The following ASB15 variants were observed in gnomAD, a reference collection of about 807,000 sequenced individuals.
ASB15 encodes ankyrin repeat and SOCS box protein 15.
A neutral mutation model predicts 58.0 loss-of-function variants in ASB15; 54 were observed. The observed-to-expected ratio is 0.93, with a 90% CI of 0.75 to 1.17. The LOEUF (loss-of-function observed/expected upper bound fraction) is 1.17. Ranked by LOEUF, ASB15 falls within the 50% of genes most tolerant of loss-of-function variation. The pLI is 0.00. For missense variants in ASB15, 680 were observed against 707.4 expected (o/e 0.96, Z 0.44); for synonymous variants, 249 against 262.4 (o/e 0.95, Z 0.50).
intron 7 of ASB15, 37 bp from the exon 8 acceptor site, chr7:123,624,532 A>G: frequency 1.3e-6 from 2 of 1,579,648 alleles, no homozygotes; most frequent in Non-Finnish European, 1.7e-6. Context: ...TATTTGTGTT[A>G]ATATACTTAC....
intron 10 of ASB15, 54 bp downstream of exon 10, chr7:123,629,488 G>T: frequency 7.3e-7 from 1 of 1,365,462 alleles, no homozygotes; most frequent in Non-Finnish European, 1.0e-6. Context: ...TTTAATACAT[G>T]TTCATTCAAT....
intron 7 of ASB15, chr7:123,620,308 A>G (rs1801153256): frequency 6.6e-6 from 1 of 151,734 alleles, no homozygotes; most frequent in Admixed American, 6.6e-5. Flanking sequence ...TTCTGTAGCT[A>G]GAAGGAAAAG....
rs536768481 is a variant in ASB15, at chr7:123,628,381, C to G, written c.870-483C>G. On this transcript the variant is annotated intron_variant, in intron 9 of 11. Coordinates refer to ENST00000451215, the MANE Select transcript of ASB15 (RefSeq NM_001290258.2). ...GACCTTGGACAATCTTTTTGCCTCT[C>G]TAGACTTCAGATTGTTCTTCTGTTA... 3.9e-5 allele frequency among the ~76,000 whole-genome samples: 6 copies of G among 152,304 alleles called. No individual in the cohort carries two copies. The South Asian group carries it at 1.2e-3, about 32-fold the overall frequency.
intron 7 of ASB15, among the ~76,000 whole-genome samples, chr7:123,620,762 C>T (rs1270724311): frequency 1.3e-5 from 2 of 150,176 alleles, no homozygotes; most frequent in African/African-American, 4.9e-5. Flanking sequence ...CAGGGTTTCA[C>T]CATGTTAGCT....
intron 4 of ASB15, among the ~76,000 whole-genome samples, chr7:123,614,856 T>C (rs1251232240): frequency 6.6e-6 from 1 of 152,196 alleles, no homozygotes; most frequent in Non-Finnish European, 1.5e-5. Context: ...AATTTGGTTG[T>C]ATAGAATTGC....
At chr7:123,581,314 A>C (rs1028422036) in intron 1 of ASB15, among the ~76,000 whole-genome samples, 2 of 151,738 alleles carry the variant, frequency 1.3e-5, no homozygotes, top group African/African-American at 4.8e-5. Flanking sequence ...ATCATCAGTA[A>C]TTAATTTATC....
In ASB15 at chr7:123,635,932, C is replaced by T. The variant is rs185982874; in HGVS notation, c.1595-877C>T. On this transcript the variant is annotated intron_variant, in intron 11 of 11. Transcript: ENST00000451215. Reference sequence around the variant, plus strand: ...TCATCAAATGTAATAGAGATGTGATCATGTTTATTATTGCACTGAATGACA... The same window carrying T: ...TCATCAAATGTAATAGAGATGTGATTATGTTTATTATTGCACTGAATGACA... 3.3e-5 allele frequency among the ~76,000 whole-genome samples: 5 copies of T among 152,020 alleles called. No homozygotes were observed. The East Asian group carries it at 9.6e-4, about 29-fold the overall frequency.
At chr7:123,596,858 T>C (rs1045147949), upstream of ASB15, among the ~76,000 whole-genome samples, 3 of 152,206 alleles carry the variant, frequency 2.0e-5, no homozygotes, top group East Asian at 3.8e-4. Flanking sequence ...AGTACAATAC[T>C]GAATTTTCAA....
intron 7 of ASB15, among the ~76,000 whole-genome samples, chr7:123,620,526 ATATATATATATATATATATATATATATAT>A (rs1801192801): frequency 2.9e-4 from 4 of 13,800 alleles, no homozygotes; most frequent in Middle Eastern, 0.029. Context: ...ATATATATAT[ATATATATATATATATATATATATATATAT>A]TTTTTTTTTT....
At chr7:123,635,916 G>A (rs1026668405) in intron 11 of ASB15, among the ~76,000 whole-genome samples, 2 of 152,034 alleles carry the variant, frequency 1.3e-5, no homozygotes, top group South Asian at 2.1e-4. Flanking sequence ...ATCATCAAAT[G>A]TAATAGAGAT....
At chr7:123,568,815 T>C (rs146687262) in intron 1 of ASB15, among the ~76,000 whole-genome samples, 10 of 152,252 alleles carry the variant, frequency 6.6e-5, no homozygotes, top group African/African-American at 1.9e-4. Context: ...TAAAAATGAA[T>C]ACCTTAACAT....
intron 3 of ASB15, among the ~76,000 whole-genome samples, chr7:123,611,082 C>CA (rs34527165): frequency 0.032 from 2,638 of 81,730 alleles, 32 homozygotes; most frequent in Non-Finnish European, 0.036. Context: ...AACTCCATCT[C>CA]AAAAAAAAAA....
rs1801977567 is a variant in ASB15 at position 123,629,035 on chromosome 7, C to T, written c.1041C>T (p.Asp347=). ...CTGACCACATTTCCCAGAGCTATGA[C>T]GATGAGAGGAAGACTGCGCTGTATT... ...LLADHISQSY[D]DERKTALYFG... is the part of the protein sequence containing the mutation. The change falls in exon 10 of 12, where the codon GAC becomes GAT. Residue 347 remains aspartate, a synonymous_variant. Coordinates refer to ENST00000451215, the MANE Select transcript of ASB15 (RefSeq NM_001290258.2). The T allele has an allele frequency of 5.6e-6, 9 of 1,613,662 alleles. No individual in the cohort carries two copies. Among genetic ancestry groups the T allele is most frequent in the Non-Finnish European group, 5.1e-6 (6 of 1,179,770 alleles).
At chr7:123,602,752 A>C (rs190188512) in intron 1 of ASB15, among the ~76,000 whole-genome samples, 3 of 152,296 alleles carry the variant, frequency 2.0e-5, no homozygotes, top group Admixed American at 2.0e-4. Context: ...TTTTTGAGAA[A>C]ACTTTTTCTC....
intron 1 of ASB15, among the ~76,000 whole-genome samples, chr7:123,573,288 C>CTTTTTTT (rs35889563): frequency 8.5e-6 from 1 of 117,912 alleles, no homozygotes; most frequent in African/African-American, 3.2e-5. Context: ...TCTGGATTTG[C>CTTTTTTT]TTTTTTTTTT....
chr7:123,627,086 T>C (rs759944334), intron 8 of ASB15, 24 bp from the exon 9 acceptor site: 1 of 1,602,694 alleles, frequency 6.2e-7, no homozygotes, highest in Non-Finnish European at 8.5e-7. Context: ...CCAGTTATCA[T>C]TATGCCACGT....
intron 8 of ASB15, among the ~76,000 whole-genome samples, chr7:123,626,081 T>C (rs1801753290): frequency 6.6e-6 from 1 of 152,234 alleles, no homozygotes. Context: ...TCTGATATTT[T>C]GTTTCATTTC....
Position 123,603,325 on chromosome 7 carries a change from T to C in ASB15, c.-244-707T>C, listed in dbSNP as rs74765430. On this transcript the variant is annotated intron_variant, in intron 1 of 11. Transcript: ENST00000451215. ...AGTCTGAACATCCTTAGGAAAAAAA[T>C]AATCACTAAGAATTGGTGGGTTAAT... 4.8e-3 allele frequency among the ~76,000 whole-genome samples: 734 copies of C among 152,248 alleles called. 12 individuals are homozygous for C. Among genetic ancestry groups the C allele is most frequent in the African/African-American group, 0.017 (701 of 41,570 alleles).
At chr7:123,610,163 CTG>C (rs1384775224) in intron 3 of ASB15, among the ~76,000 whole-genome samples, 2 of 152,284 alleles carry the variant, frequency 1.3e-5, no homozygotes, top group South Asian at 4.1e-4. Context: ...AGGCAACAGA[CTG>C]TGAGATATTT....
Sources: gnomAD v4.1 joint callset for allele counts (sites outside exome capture counted in the v4.1 genomes callset) on GRCh38, gnomAD v4.1.1 for gene constraint, MANE v1.5 for transcripts, NCBI Gene and HGNC (gene_info 2026-07-23, HGNC 2026-07-21) for gene names.